Variants in CSNK1D observed in about 807,000 individuals in gnomAD.
The protein encoded by CSNK1D is casein kinase 1 delta, also known as casein kinase I isoform delta.
In CSNK1D, 16 loss-of-function variants were observed where a neutral mutation model predicts 46.6. The ratio of observed to expected loss-of-function variants is 0.34; its 90% CI spans 0.23 to 0.52. CSNK1D has a LOEUF of 0.52. Among genes scored for constraint, CSNK1D ranks in the 20% least tolerant of loss-of-function variants. CSNK1D has a pLI of 0.95. For missense variants in CSNK1D, 398 were observed against 578.4 expected (o/e 0.69, Z 3.20); for synonymous variants, 276 against 228.2 (o/e 1.21, Z -1.89).
chr17:82,247,781 C>T (rs1265354626), intron 8 of CSNK1D: 3 of 985,332 alleles, frequency 3.0e-6, no homozygotes, highest in Non-Finnish European at 3.6e-6. Flanking sequence ...TTCATATAAC[C>T]ACAAAGTCAA....
Position 82,255,710 on chromosome 17 carries a change from C to T in CSNK1D, c.188-133G>A, listed in dbSNP as rs1302929345. ...GAGGGGTGGTGGAGGTAGAAGACCC[C>T]GGCAACGCCGCTCCTCAGGGACCCA... On this transcript the variant is annotated intron_variant, in intron 2 of 8. Coordinates refer to ENST00000314028, the MANE Select transcript of CSNK1D (RefSeq NM_001893.6). The surrounding 1 kb of genome is among the most constrained non-coding windows in gnomAD (Gnocchi z 5.9). 108 of 1,098,464 alleles carry T rather than the reference C, an allele frequency of 9.8e-5. No homozygotes were observed. Among genetic ancestry groups the T allele is most frequent in the Non-Finnish European group, 1.2e-4 (86 of 728,430 alleles). 68.0% of individuals were successfully genotyped at this position (1,098,464 alleles called of 1,614,324 possible). A position where few individuals can be genotyped will look rare whatever the true frequency, so the allele number is the denominator to read the frequency against.
chr17:82,262,048 C>G (rs1411745550), intron 2 of CSNK1D, among the ~76,000 whole-genome samples: 1 of 152,194 alleles, frequency 6.6e-6, no homozygotes, highest in Non-Finnish European at 1.5e-5. Context: ...TACAACTGTC[C>G]CCAGGTTTTG....
At chr17:82,272,765 G>C (rs1405130400) in intron 1 of CSNK1D, among the ~76,000 whole-genome samples, 1 of 152,224 alleles carries the variant, frequency 6.6e-6, no homozygotes, top group East Asian at 1.9e-4. Flanking sequence ...CAGCCTCTGA[G>C]GGGGCAGCCA....
downstream of CSNK1D, chr17:82,239,820 G>A (rs925266523): frequency 6.6e-5 from 27 of 411,158 alleles, no homozygotes; most frequent in African/African-American, 2.9e-4. Flanking sequence ...GGCAGTGTGC[G>A]TGGTGTGGTC....
chr17:82,242,994 G>C lies in CSNK1D; in HGVS notation c.*1787C>G. The C allele has an allele frequency of 1.0e-6, 1 of 985,440 alleles. No homozygotes were observed. Among genetic ancestry groups the C allele is most frequent in the Non-Finnish European group, 1.2e-6 (1 of 829,932 alleles). The allele number at this position is 985,440 out of a possible 1,614,324, so 61.0% of individuals were successfully genotyped here. A position where few individuals can be genotyped will look rare whatever the true frequency, so the allele number is the denominator to read the frequency against. ...CCACAGCGCGACGTCTCTCCGGGTG[G>C]GGGACGTCTACCTTCAAGAAGGGGT... On this transcript the variant is annotated 3_prime_UTR_variant, in exon 9 of 9. Transcript: ENST00000314028.
At position 82,251,826 on chromosome 17, in the gene CSNK1D, T is replaced by TTA; in HGVS notation, c.737-300_737-299insTA. 3.3e-6 allele frequency: 1 copy of TTA among 304,048 alleles called. No homozygotes were observed. The highest frequency in any genetic ancestry group is 1.1e-3 in the Middle Eastern group (1 of 920). The allele number at this position is 304,048 out of a possible 1,614,324, so 18.8% of individuals were successfully genotyped here. On this transcript the variant is annotated intron_variant, in intron 5 of 8. Coordinates refer to ENST00000314028, the MANE Select transcript of CSNK1D (RefSeq NM_001893.6). The surrounding 1 kb of genome is among the most constrained non-coding windows in gnomAD (Gnocchi z 4.5). ...TAACACAGTGAAACCCCATCTCTACTGAAAAAAAAAAAAAAAAAGTTCTAG... is the reference window on the plus strand; with the variant it reads ...TAACACAGTGAAACCCCATCTCTACTTAGAAAAAAAAAAAAAAAAAGTTCTAG...
chr17:82,241,885 G>A (rs1322040345), downstream of CSNK1D, among the ~76,000 whole-genome samples: 1 of 152,240 alleles, frequency 6.6e-6, no homozygotes, highest in African/African-American at 2.4e-5. Context: ...GAGTTGGCGG[G>A]ACAGCCCCGG....
intron 2 of CSNK1D, among the ~76,000 whole-genome samples, chr17:82,262,773 A>G (rs938702942): frequency 5.3e-5 from 8 of 152,204 alleles, no homozygotes; most frequent in African/African-American, 1.7e-4. Flanking sequence ...ATTTCTTCCC[A>G]TTATTTGTCA....
Position 82,251,638 on chromosome 17 carries a change from C to A in CSNK1D, c.737-111G>T. 9.1e-7 allele frequency: 1 copy of A among 1,099,934 alleles called. No individual in the cohort carries two copies. The highest frequency in any genetic ancestry group is 1.3e-5 in the South Asian group (1 of 75,908). 68.1% of individuals were successfully genotyped at this position (1,099,934 alleles called of 1,614,324 possible). ...TGCTGCACACTCAAGGGGAGAAGGA[C>A]AGATGCAAAACACCTGTCAGATTTC... is the stretch of plus-strand genomic sequence containing the variant. On this transcript the variant is annotated intron_variant, in intron 5 of 8. Coordinates refer to ENST00000314028, the MANE Select transcript of CSNK1D (RefSeq NM_001893.6). This position sits in a 1 kb window ranked among gnomAD's most constrained non-coding sequence, Gnocchi z 4.5.
At chr17:82,265,218 G>GC (rs2051438838) in intron 2 of CSNK1D, 1 of 215,192 alleles carries the variant, frequency 4.6e-6, no homozygotes, top group Non-Finnish European at 9.4e-6. Flanking sequence ...TCACTCTGTC[G>GC]CCCAGGCTGG....
At chr17:82,246,168 A>C in intron 8 of CSNK1D, 2 of 1,539,412 alleles carry the variant, frequency 1.3e-6, no homozygotes, top group Non-Finnish European at 1.8e-6. Flanking sequence ...CACCTGGGGG[A>C]GCCCAGGCAC....
intron 8 of CSNK1D, 32 bp from the exon 9 acceptor site, chr17:82,244,863 C>T: frequency 6.2e-7 from 1 of 1,613,256 alleles, no homozygotes; most frequent in Non-Finnish European, 8.5e-7. Context: ...AGAAGGTCAG[C>T]ATGGGGCTGG....
chr17:82,244,680 C>T lies in CSNK1D; in HGVS notation c.*101G>A, dbSNP rs758836442. 15 of 1,594,512 alleles carry T rather than the reference C, an allele frequency of 9.4e-6. No homozygotes were observed. The East Asian group carries it at 1.1e-4, about 12-fold the overall frequency. ...TGGCCTGGAGAGCTCCCGGTGTTAA[C>T]ATTTCGATCCTAGACCGGGGGACGT... On this transcript the variant is annotated 3_prime_UTR_variant, in exon 9 of 9. Coordinates refer to ENST00000314028, the MANE Select transcript of CSNK1D (RefSeq NM_001893.6).
intron 1 of CSNK1D, among the ~76,000 whole-genome samples, chr17:82,267,482 T>C (rs1049390690): frequency 6.6e-6 from 1 of 152,146 alleles, no homozygotes; most frequent in Admixed American, 6.5e-5. Flanking sequence ...CCCTTGCCAC[T>C]GCTGCGTTCC....
intron 2 of CSNK1D, among the ~76,000 whole-genome samples, chr17:82,259,497 T>C (rs1301133460): frequency 6.6e-6 from 1 of 152,224 alleles, no homozygotes; most frequent in African/African-American, 2.4e-5. Flanking sequence ...CATAACCACC[T>C]TGGAAAAATC....
At chr17:82,239,536 C>T (rs1031721451), downstream of CSNK1D, 7 of 178,926 alleles carry the variant, frequency 3.9e-5, no homozygotes, top group African/African-American at 7.1e-5. Flanking sequence ...CTGACTCGCA[C>T]GTCTGCTGAT....
Position 82,243,966 on chromosome 17 carries a change from A to C in CSNK1D, c.*815T>G, listed in dbSNP as rs2050787462. The C allele has an allele frequency of 1.0e-6, 1 of 985,794 alleles. No individual in the cohort carries two copies. Among genetic ancestry groups the C allele is most frequent in the Non-Finnish European group, 1.2e-6 (1 of 830,204 alleles). 61.1% of individuals were successfully genotyped at this position (985,794 alleles called of 1,614,324 possible). A position where few individuals can be genotyped will look rare whatever the true frequency, so the allele number is the denominator to read the frequency against. On this transcript the variant is annotated 3_prime_UTR_variant, in exon 9 of 9. Coordinates refer to ENST00000314028, the MANE Select transcript of CSNK1D (RefSeq NM_001893.6). Reference sequence around the variant, plus strand: ...GCTGCCTGCCCACCTCCTGGGGAAGAAGCGCGCAGTGCTTTGCCTGGTAAC... The same window carrying C: ...GCTGCCTGCCCACCTCCTGGGGAAGCAGCGCGCAGTGCTTTGCCTGGTAAC...
downstream of CSNK1D, among the ~76,000 whole-genome samples, chr17:82,241,118 T>C (rs879570768): frequency 1.3e-4 from 16 of 121,070 alleles, no homozygotes; most frequent in Admixed American, 9.1e-4. Flanking sequence ...CACTGCTACT[T>C]GGGGTGGGGG....
chr17:82,248,204 T>C lies in CSNK1D; in HGVS notation c.1197+671A>G, dbSNP rs2050899780. 5.1e-6 allele frequency: 5 copies of C among 985,524 alleles called. No homozygotes were observed. The highest frequency in any genetic ancestry group is 6.0e-6 in the Non-Finnish European group (5 of 830,000). The allele number at this position is 985,524 out of a possible 1,614,324, so 61.0% of individuals were successfully genotyped here. On this transcript the variant is annotated intron_variant, in intron 8 of 8. Transcript: ENST00000314028. The surrounding 1 kb of genome is among the most constrained non-coding windows in gnomAD (Gnocchi z 4.1). ...CAGAAAACTATTTGAAGAAATATAA[T>C]GGATCCATATGGAGAAAGCTGTTCT...
Sources: allele counts gnomAD v4.1 joint callset (sites outside exome capture counted in the v4.1 genomes callset), GRCh38; gene constraint gnomAD v4.1.1; non-coding constraint Gnocchi (gnomAD v3.1); transcripts MANE v1.5; gene names NCBI Gene and HGNC (gene_info 2026-07-23, HGNC 2026-07-21).